CSMD1: variants seen among roughly 807,000 people sequenced by gnomAD.
The protein encoded by CSMD1 is CUB and sushi domain-containing protein 1.
A neutral mutation model predicts 417.5 loss-of-function variants in CSMD1; 213 were observed. The ratio of observed to expected loss-of-function variants is 0.51; its 90% confidence interval spans 0.46 to 0.57. The LOEUF (loss-of-function observed/expected upper bound fraction) is 0.57. CSMD1 is among the 20% of genes least tolerant of loss of function. CSMD1 has a pLI of 0.00. For missense variants in CSMD1, 6,923 were observed against 4,529.7 expected, an observed-to-expected ratio of 1.53 and a Z score of -15.17; for synonymous variants, 2,862 against 1,736.8, an observed-to-expected ratio of 1.65 and a Z score of -16.11.
In CSMD1 at chr8:3,304,006, A is replaced by C. The variant is rs141108844; in HGVS notation, c.3950+3689T>G. ...CTCAAACAAAGAGGAATAGCACTATATAAGCAGAAGTTGCTCTGGGCCTCA... is the reference window on the plus strand; with the variant it reads ...CTCAAACAAAGAGGAATAGCACTATCTAAGCAGAAGTTGCTCTGGGCCTCA... On this transcript the variant is annotated intron_variant, in intron 25 of 69. Transcript: ENST00000635120. Among the ~76,000 whole-genome samples the C allele has an allele frequency of 4.4e-3, 670 of 152,250 alleles. 5 individuals are homozygous for C. The highest frequency in any genetic ancestry group is 7.7e-3 in the Non-Finnish European group (523 of 68,022).
intron 50 of CSMD1, among the ~76,000 whole-genome samples, chr8:3,040,749 G>A (rs184071157): frequency 4.6e-4 from 70 of 152,268 alleles, no homozygotes; most frequent in African/African-American, 1.5e-3. Flanking sequence ...GTTAGAGCGA[G>A]TTGAGATCGT....
intron 5 of CSMD1, among the ~76,000 whole-genome samples, chr8:3,826,694 C>G (rs188910174): frequency 6.6e-6 from 1 of 152,158 alleles, no homozygotes; most frequent in African/African-American, 2.4e-5. Flanking sequence ...TGACTTGGTC[C>G]TTGATAATTT....
chr8:3,002,477 A>C (rs1360616566), intron 52 of CSMD1, among the ~76,000 whole-genome samples: 2 of 152,158 alleles, frequency 1.3e-5, no homozygotes, highest in African/African-American at 4.8e-5. Flanking sequence ...ACACAAGAAA[A>C]TGACACCAGC....
At chr8:4,680,225 G>T (rs973630039) in intron 1 of CSMD1, among the ~76,000 whole-genome samples, 2 of 152,164 alleles carry the variant, frequency 1.3e-5, no homozygotes, top group African/African-American at 2.4e-5. Flanking sequence ...TGCATGCTGT[G>T]CTTCTGGACA....
At chr8:4,863,720 C>A (rs1009783635) in intron 1 of CSMD1, among the ~76,000 whole-genome samples, 2 of 151,936 alleles carry the variant, frequency 1.3e-5, no homozygotes, top group African/African-American at 4.8e-5. Context: ...AAGACTTATC[C>A]TTTGAAAAAT....
intron 3 of CSMD1, among the ~76,000 whole-genome samples, chr8:4,118,685 G>T (rs1054848109): frequency 1.3e-5 from 2 of 152,132 alleles, no homozygotes; most frequent in African/African-American, 4.8e-5. Context: ...ACAGTGTGGT[G>T]ATTGCTCAAG....
At chr8:3,867,496 T>C (rs1467908235) in intron 5 of CSMD1, among the ~76,000 whole-genome samples, 1 of 152,130 alleles carries the variant, frequency 6.6e-6, no homozygotes, top group East Asian at 1.9e-4. Context: ...GAAGAGGGTG[T>C]CAGAATAAAA....
At chr8:3,980,579 T>C (rs77529076) in intron 5 of CSMD1, among the ~76,000 whole-genome samples, 1 of 152,198 alleles carries the variant, frequency 6.6e-6, no homozygotes, top group African/African-American at 2.4e-5. Flanking sequence ...GTGAAAATAG[T>C]TTCCCCCCTT....
chr8:4,423,994 T>C lies in CSMD1; in HGVS notation c.303-3929A>G, dbSNP rs561292923. Among the ~76,000 whole-genome samples the C allele has an allele frequency of 9.2e-5, 14 of 152,160 alleles. No homozygotes were observed. In the East Asian group the frequency reaches 1.2e-3, roughly 13 times the overall value. ...AAACCAACAAATTATGATGGATCAATTGGATGTCCATAGCAAATAGTAAGT... is the reference window on the plus strand; with the variant it reads ...AAACCAACAAATTATGATGGATCAACTGGATGTCCATAGCAAATAGTAAGT... On this transcript the variant is annotated intron_variant, in intron 2 of 69. Coordinates refer to ENST00000635120, the MANE Select transcript of CSMD1 (RefSeq NM_033225.6).
At chr8:3,539,300 A>G (rs184983894) in intron 10 of CSMD1, among the ~76,000 whole-genome samples, 1 of 151,516 alleles carries the variant, frequency 6.6e-6, no homozygotes. Context: ...CCTACTGCCT[A>G]CCTCCCACCC....
intron 3 of CSMD1, among the ~76,000 whole-genome samples, chr8:4,413,122 G>C (rs1333136216): frequency 6.6e-6 from 1 of 152,136 alleles, no homozygotes; most frequent in Non-Finnish European, 1.5e-5. Context: ...AAGAAAGATG[G>C]ATATATAGAA....
intron 20 of CSMD1, 75 bp from the exon 21 acceptor site, chr8:3,359,415 A>T (rs1245667464): frequency 2.9e-6 from 3 of 1,050,638 alleles, no homozygotes; most frequent in East Asian, 2.6e-5. Flanking sequence ...AAGAATAAAA[A>T]GTGCTATTAC....
At chr8:3,771,720 C>G (rs1798584036) in intron 5 of CSMD1, among the ~76,000 whole-genome samples, 1 of 152,116 alleles carries the variant, frequency 6.6e-6, no homozygotes, top group Non-Finnish European at 1.5e-5. Context: ...GCAGACAAAA[C>G]GCAAGATTCA....
intron 5 of CSMD1, among the ~76,000 whole-genome samples, chr8:3,846,098 T>C (rs1001343307): frequency 3.3e-5 from 5 of 152,084 alleles, no homozygotes; most frequent in African/African-American, 4.8e-5. Context: ...ACTTCTATAA[T>C]AAAAAGTATA....
chr8:4,040,097 T>G (rs962044869), intron 3 of CSMD1, among the ~76,000 whole-genome samples: 4 of 152,196 alleles, frequency 2.6e-5, no homozygotes, highest in Admixed American at 2.6e-4. Flanking sequence ...TACAGAGATT[T>G]TAACATATCG....
intron 5 of CSMD1, among the ~76,000 whole-genome samples, chr8:3,758,447 G>A (rs1037744312): frequency 4.6e-5 from 7 of 152,214 alleles, no homozygotes; most frequent in Non-Finnish European, 8.8e-5. Flanking sequence ...GTTTGGGAAA[G>A]GGGGTTGTTC....
At chr8:4,572,850 C>T (rs1798952731) in intron 2 of CSMD1, among the ~76,000 whole-genome samples, 1 of 152,106 alleles carries the variant, frequency 6.6e-6, no homozygotes, top group African/African-American at 2.4e-5. Flanking sequence ...TGTCTTCATG[C>T]TTTATTTCAT....
intron 5 of CSMD1, among the ~76,000 whole-genome samples, chr8:3,966,059 G>C (rs189897816): frequency 5.3e-5 from 8 of 152,280 alleles, no homozygotes; most frequent in Admixed American, 3.9e-4. Context: ...AATGACTCTA[G>C]AATAAAATAA....
chr8:4,281,293 G>C (rs753521333), intron 3 of CSMD1, among the ~76,000 whole-genome samples: 13 of 152,230 alleles, frequency 8.5e-5, no homozygotes, highest in African/African-American at 2.4e-4. Context: ...AGAAGGTAGA[G>C]ATATGAAAAC....
Sources: gnomAD v4.1 joint callset for allele counts (sites outside exome capture counted in the v4.1 genomes callset) on GRCh38, gnomAD v4.1.1 for gene constraint, MANE v1.5 for transcripts, NCBI Gene and HGNC (gene_info 2026-07-23, HGNC 2026-07-21) for gene names.